ACSF3: variants seen among roughly 807,000 people sequenced by gnomAD.
The protein encoded by ACSF3 is malonate--CoA ligase ACSF3, mitochondrial.
A neutral mutation model predicts 53.2 loss-of-function variants in ACSF3; 78 were observed. That is an observed-to-expected ratio of 1.47 (90% CI 1.22 to 1.77). ACSF3 has a LOEUF of 1.77. Among genes scored for constraint, ACSF3 ranks in the 40% most tolerant of loss-of-function variants. The pLI is 0.00. For missense variants in ACSF3, 937 were observed against 771.1 expected (o/e 1.22, Z -2.55); for synonymous variants, 414 against 333.1 (o/e 1.24, Z -2.65).
At chr16:89,136,196 G>A (rs1041066097) in intron 8 of ACSF3, among the ~76,000 whole-genome samples, 3 of 152,262 alleles carry the variant, frequency 2.0e-5, no homozygotes, top group Non-Finnish European at 4.4e-5. Flanking sequence ...GAGGGCAGCC[G>A]TGTGAGATGC....
chr16:89,104,356 G>A (rs1381389628), intron 4 of ACSF3, among the ~76,000 whole-genome samples: 1 of 152,208 alleles, frequency 6.6e-6, no homozygotes, highest in African/African-American at 2.4e-5. Flanking sequence ...TGGTCTGTGC[G>A]GGGTTGTTCT....
chr16:89,143,837 T>G (rs558159404), intron 8 of ACSF3, among the ~76,000 whole-genome samples: 125 of 152,112 alleles, frequency 8.2e-4, no homozygotes, highest in Non-Finnish European at 7.8e-4. Flanking sequence ...CCGTCTTGTT[T>G]AATAGACTGA....
chr16:89,134,485 C>T (rs921768791), intron 8 of ACSF3, among the ~76,000 whole-genome samples: 16 of 152,098 alleles, frequency 1.1e-4, no homozygotes, highest in Admixed American at 3.9e-4. Context: ...AAGTCAGCGG[C>T]GGGTCTGCAA....
In ACSF3 at chr16:89,155,021, C is replaced by T. The variant is rs770203720; in HGVS notation, c.*814C>T. The T allele has an allele frequency of 2.2e-6, 1 of 454,132 alleles. No homozygotes were observed. The highest frequency in any genetic ancestry group is 2.0e-5 in the African/African-American group (1 of 50,108). The allele number at this position is 454,132 out of a possible 1,614,324, so 28.1% of individuals were successfully genotyped here. A position where few individuals can be genotyped will look rare whatever the true frequency, so the allele number is the denominator to read the frequency against. The stretch of plus-strand genomic sequence containing the variant: ...GCCCCCATTTCATGTCTGTGGCTCA[C>T]CAGCTTTTCCCCAGACCCAGCTCCG... On this transcript the variant is annotated 3_prime_UTR_variant, in exon 11 of 11. Transcript: ENST00000614302.
rs1187414850 is a variant in ACSF3, at chr16:89,155,877, T to C, written c.*1670T>C. 1 of 413,368 alleles carries C rather than the reference T, an allele frequency of 2.4e-6. No individual in the cohort carries two copies. The highest frequency in any genetic ancestry group is 1.8e-5 in the South Asian group (1 of 56,558). The allele number at this position is 413,368 out of a possible 1,614,324, so 25.6% of individuals were successfully genotyped here. A position where few individuals can be genotyped will look rare whatever the true frequency, so the allele number is the denominator to read the frequency against. Reference sequence around the variant, plus strand: ...TCAGTATATCATGCTTTCGAAATAATGAGTGTAACTTTCTGCTGACAATAC... The same window carrying C: ...TCAGTATATCATGCTTTCGAAATAACGAGTGTAACTTTCTGCTGACAATAC... On this transcript the variant is annotated 3_prime_UTR_variant, in exon 11 of 11. Transcript: ENST00000614302.
chr16:89,132,607 C>T (rs535205838), intron 7 of ACSF3, among the ~76,000 whole-genome samples: 9 of 152,384 alleles, frequency 5.9e-5, no homozygotes, highest in East Asian at 3.9e-4. Flanking sequence ...TCCCTTCCCA[C>T]GGAGTCTTCC....
In ACSF3 at chr16:89,155,985, T is replaced by C. The variant is rs1232736883; in HGVS notation, c.*1778T>C. 1 of 361,052 alleles carries C rather than the reference T, an allele frequency of 2.8e-6. No homozygotes were observed. The highest frequency in any genetic ancestry group is 5.4e-6 in the Non-Finnish European group (1 of 185,882). 22.4% of individuals were successfully genotyped at this position (361,052 alleles called of 1,614,324 possible). On this transcript the variant is annotated 3_prime_UTR_variant, in exon 11 of 11. Coordinates refer to ENST00000614302, the MANE Select transcript of ACSF3 (RefSeq NM_001243279.3). ...CGTTGACCACAAACTACAGAAAGCC[T>C]GGAGCTCGTTGACCAGCCGGTTGAC...
chr16:89,115,908 A>G (rs1905051772), intron 6 of ACSF3, among the ~76,000 whole-genome samples: 1 of 152,210 alleles, frequency 6.6e-6, no homozygotes, highest in Non-Finnish European at 1.5e-5. Flanking sequence ...CAGCTGTGCG[A>G]TTTTAAATAT....
intron 8 of ACSF3, among the ~76,000 whole-genome samples, chr16:89,137,565 G>T (rs1301995916): frequency 7.1e-6 from 1 of 141,546 alleles, no homozygotes; most frequent in African/African-American, 2.7e-5. Flanking sequence ...CCCAGGTCTC[G>T]GGAGGACCAC....
Position 89,120,916 on chromosome 16 carries a change from A to G in ACSF3, c.1239+3A>G, listed in dbSNP as rs1339230702. The G allele has an allele frequency of 6.2e-7, 1 of 1,613,282 alleles. No individual in the cohort carries two copies. Among genetic ancestry groups the G allele is most frequent in the Non-Finnish European group, 8.5e-7 (1 of 1,179,542 alleles). The stretch of plus-strand genomic sequence containing the variant: ...AGGGAGACGAGAGGGGGACCAAGGT[A>G]AGCCACTCTGCTCTTGGCAGGTGGG... On this transcript the variant is annotated splice_donor_region_variant and intron_variant, in intron 7 of 10. Transcript: ENST00000614302.
Position 89,156,164 on chromosome 16 carries a change from C to A in ACSF3, c.*1957C>A, listed in dbSNP as rs1461472336. ...CCTGGTTCCCCTCTGCTCCACCAGC[C>A]GAGAACAAGCCCGTCCTGGAGGGAA... On this transcript the variant is annotated 3_prime_UTR_variant, in exon 11 of 11. Coordinates refer to ENST00000614302, the MANE Select transcript of ACSF3 (RefSeq NM_001243279.3). Among the ~76,000 whole-genome samples the A allele has an allele frequency of 6.6e-6, 1 of 152,214 alleles. No homozygotes were observed. Among genetic ancestry groups the A allele is most frequent in the Non-Finnish European group, 1.5e-5 (1 of 68,030 alleles).
chr16:89,123,254 G>T (rs1179041742), intron 7 of ACSF3, among the ~76,000 whole-genome samples: 1 of 152,176 alleles, frequency 6.6e-6, no homozygotes, highest in Non-Finnish European at 1.5e-5. Context: ...AGGGCTCCCA[G>T]AGGGGTGGGT....
In ACSF3 at chr16:89,107,602, T is replaced by C. The variant is rs148441764; in HGVS notation, c.823-4490T>C. On this transcript the variant is annotated intron_variant, in intron 4 of 10. Transcript: ENST00000614302. ...ATTTCCTGGTGTGCAGAAGCCACAG[T>C]GCGCTTATCCATTCTGCTCTTGAAG... Among the ~76,000 whole-genome samples the C allele has an allele frequency of 4.7e-3, 714 of 152,348 alleles. 4 individuals are homozygous for C. The highest frequency in any genetic ancestry group is 0.016 in the African/African-American group (677 of 41,572).
intron 3 of ACSF3, among the ~76,000 whole-genome samples, chr16:89,101,863 A>G (rs1006783193): frequency 2.6e-5 from 4 of 152,244 alleles, no homozygotes; most frequent in African/African-American, 9.6e-5. Context: ...AGGAAGGGGA[A>G]GGCAGGAAGT....
At chr16:89,124,108 CCT>C (rs371832576) in intron 7 of ACSF3, among the ~76,000 whole-genome samples, 1 of 130,564 alleles carries the variant, frequency 7.7e-6, no homozygotes, top group Non-Finnish European at 1.7e-5. Flanking sequence ...CACACACATG[CCT>C]AGTGTGCGCA....
At chr16:89,145,714 C>G (rs1444836425) in intron 9 of ACSF3, among the ~76,000 whole-genome samples, 1 of 152,206 alleles carries the variant, frequency 6.6e-6, no homozygotes, top group Non-Finnish European at 1.5e-5. Context: ...GAAGGCAGAG[C>G]CCCTGTGAGT....
chr16:89,112,156 T>A lies in ACSF3; in HGVS notation c.887T>A (p.Ile296Lys). The A allele has an allele frequency of 8.5e-7, 1 of 1,171,808 alleles. No homozygotes were observed. The highest frequency in any genetic ancestry group is 1.1e-6 in the Non-Finnish European group (1 of 932,340). The allele number at this position is 1,171,808 out of a possible 1,614,324, so 72.6% of individuals were successfully genotyped here. The change falls in exon 5 of 11, where the codon ATA (isoleucine) becomes AAA (lysine). Residue 296 changes from isoleucine to lysine, a missense_variant. Coordinates refer to ENST00000614302, the MANE Select transcript of ACSF3 (RefSeq NM_001243279.3). ...RINVFMAVPT[I>K]YTKLMEYYDR... ...AATGTCTTTATGGCAGTGCCTACAATATACACCAAGCTGATGGAGTACTAC... is the reference window on the plus strand; with the variant it reads ...AATGTCTTTATGGCAGTGCCTACAAAATACACCAAGCTGATGGAGTACTAC...
intron 6 of ACSF3, among the ~76,000 whole-genome samples, chr16:89,118,241 G>A (rs959390729): frequency 8.6e-5 from 13 of 151,974 alleles, no homozygotes; most frequent in South Asian, 2.1e-4. Flanking sequence ...CTGGGGCGCC[G>A]GGGACGCTCC....
intron 10 of ACSF3, chr16:89,148,659 G>T (rs1312771391): frequency 6.6e-6 from 1 of 152,264 alleles, no homozygotes; most frequent in African/African-American, 2.4e-5. Flanking sequence ...AGTAGCCAGG[G>T]CCCCACTGGG....
Sources: gnomAD v4.1 joint callset for allele counts (sites outside exome capture counted in the v4.1 genomes callset) on GRCh38, gnomAD v4.1.1 for gene constraint, MANE v1.5 for transcripts, NCBI Gene and HGNC (gene_info 2026-07-23, HGNC 2026-07-21) for gene names.